Variants in OPCML observed in about 807,000 individuals in gnomAD.
OPCML encodes the protein opioid binding protein/cell adhesion molecule like, also known as opioid-binding protein/cell adhesion molecule.
OPCML carries 13 observed loss-of-function variants against 37.8 expected under a neutral mutation model. The ratio of observed to expected loss-of-function variants is 0.34; its 90% CI spans 0.22 to 0.55. The LOEUF is 0.55. Among genes scored for constraint, OPCML ranks in the 20% least tolerant of loss-of-function variants. The pLI is 0.91. For missense variants in OPCML, 341 were observed against 435.6 expected (o/e 0.78, Z 1.93); for synonymous variants, 176 against 168.8 (o/e 1.04, Z -0.33).
intron 1 of OPCML, among the ~76,000 whole-genome samples, chr11:133,367,102 C>T (rs1441619610): frequency 6.6e-6 from 1 of 152,146 alleles, no homozygotes; most frequent in Admixed American, 6.5e-5. Flanking sequence ...CCTAAGCTTC[C>T]CAAGTAGCTA....
At chr11:132,866,598 A>T (rs1029103139) in intron 2 of OPCML, among the ~76,000 whole-genome samples, 1 of 152,228 alleles carries the variant, frequency 6.6e-6, no homozygotes, top group South Asian at 2.1e-4. Context: ...TTTTGGATGC[A>T]TTATACATTT....
intron 2 of OPCML, among the ~76,000 whole-genome samples, chr11:132,744,661 C>T (rs904354914): frequency 8.5e-5 from 13 of 152,216 alleles, no homozygotes; most frequent in African/African-American, 2.9e-4. Context: ...GCATTAGGCA[C>T]TGCCACGGAG....
intron 1 of OPCML, among the ~76,000 whole-genome samples, chr11:133,017,275 T>G (rs990891647): frequency 1.3e-5 from 2 of 152,192 alleles, no homozygotes; most frequent in Non-Finnish European, 2.9e-5. Context: ...TCATCACACC[T>G]GGACTAGGGG....
chr11:132,565,989 C>T (rs1411732914), intron 3 of OPCML, among the ~76,000 whole-genome samples: 1 of 152,134 alleles, frequency 6.6e-6, no homozygotes, highest in Non-Finnish European at 1.5e-5. Context: ...GTAGAGATTG[C>T]ACAACTGCAC....
intron 1 of OPCML, among the ~76,000 whole-genome samples, chr11:132,951,961 C>T (rs1307239861): frequency 1.3e-5 from 2 of 152,194 alleles, no homozygotes; most frequent in Admixed American, 6.5e-5. Context: ...GAAATATCTG[C>T]ATTTATCTAA....
At chr11:133,341,817 C>T (rs796765143) in intron 1 of OPCML, among the ~76,000 whole-genome samples, 1 of 152,032 alleles carries the variant, frequency 6.6e-6, no homozygotes, top group East Asian at 1.9e-4. Flanking sequence ...ACTCGGGAGG[C>T]TGAGGCAGGA....
intron 1 of OPCML, among the ~76,000 whole-genome samples, chr11:133,076,558 G>A (rs531684016): frequency 2.0e-5 from 3 of 152,090 alleles, no homozygotes; most frequent in East Asian, 1.9e-4. Context: ...AAACGCAAGC[G>A]GCGGTCCAGA....
intron 1 of OPCML, among the ~76,000 whole-genome samples, chr11:133,160,159 TAGACAC>T: frequency 6.6e-6 from 1 of 152,240 alleles, no homozygotes; most frequent in Non-Finnish European, 1.5e-5. Flanking sequence ...GTGCAATGTG[TAGACAC>T]AAATAATATC....
At chr11:133,007,406 A>C in intron 1 of OPCML, 1 of 985,438 alleles carries the variant, frequency 1.0e-6, no homozygotes. Flanking sequence ...CGCCCCATTA[A>C]AGAGTCAAAG....
intron 2 of OPCML, among the ~76,000 whole-genome samples, chr11:132,737,640 C>T (rs188604341): frequency 8.6e-4 from 131 of 152,190 alleles, no homozygotes; most frequent in Middle Eastern, 3.4e-3. Flanking sequence ...TTTACTTTTT[C>T]TCCAATTAAA....
intron 1 of OPCML, among the ~76,000 whole-genome samples, chr11:133,257,084 T>C (rs1046497447): frequency 6.6e-6 from 1 of 152,244 alleles, no homozygotes; most frequent in Admixed American, 6.5e-5. Flanking sequence ...AATTCCTAAA[T>C]ATTTAGCAAT....
chr11:133,303,649 A>T (rs1942839155), intron 1 of OPCML, among the ~76,000 whole-genome samples: 1 of 152,204 alleles, frequency 6.6e-6, no homozygotes, highest in Non-Finnish European at 1.5e-5. Flanking sequence ...ATGTGTTCTA[A>T]GATTGACCTT....
intron 1 of OPCML, among the ~76,000 whole-genome samples, chr11:133,149,961 A>C (rs1443184478): frequency 1.3e-5 from 2 of 152,168 alleles, no homozygotes; most frequent in African/African-American, 4.8e-5. Flanking sequence ...GGGGAGGGGA[A>C]GCGTCTGGTG....
At chr11:133,009,621 A>G (rs1947178117) in intron 1 of OPCML, among the ~76,000 whole-genome samples, 2 of 152,320 alleles carry the variant, frequency 1.3e-5, no homozygotes, top group South Asian at 2.1e-4. Flanking sequence ...CAGTTTTCCT[A>G]TGAATGGGGT....
chr11:132,458,582 G>A (rs1305826542), intron 4 of OPCML, among the ~76,000 whole-genome samples: 2 of 152,142 alleles, frequency 1.3e-5, no homozygotes, highest in Admixed American at 6.5e-5. Flanking sequence ...AACTTGCTTT[G>A]TAGTATTATG....
intron 4 of OPCML, among the ~76,000 whole-genome samples, chr11:132,438,113 T>C (rs1025337100): frequency 6.6e-6 from 1 of 152,234 alleles, no homozygotes; most frequent in African/African-American, 2.4e-5. Flanking sequence ...TCATTTATAA[T>C]TCAAAATATT....
chr11:132,435,149 C>T lies in OPCML; in HGVS notation c.916+937G>A, dbSNP rs113899050. 1.4e-3 allele frequency: 1,837 copies of T among 1,275,470 alleles called. 19 individuals carry two copies. The African/African-American group carries it at 0.025, about 17-fold the overall frequency. The allele number at this position is 1,275,470 out of a possible 1,614,324, so 79.0% of individuals were successfully genotyped here. ...GCAGGCAGAGGTAGGAAGGAACATG[C>T]TGTACCCACCTGCCACTGCTGATGA... On this transcript the variant is annotated intron_variant, in intron 7 of 7. Transcript: ENST00000524381.
At chr11:132,877,884 T>C (rs1036482534) in intron 2 of OPCML, among the ~76,000 whole-genome samples, 5 of 152,356 alleles carry the variant, frequency 3.3e-5, no homozygotes, top group Non-Finnish European at 7.3e-5. Context: ...TAGAAGCTTG[T>C]TTCTAATTGT....
chr11:132,476,698 A>C (rs2096157286), intron 4 of OPCML, among the ~76,000 whole-genome samples: 1 of 151,972 alleles, frequency 6.6e-6, no homozygotes, highest in Admixed American at 6.6e-5. Flanking sequence ...TTTGGGGTGG[A>C]GGGAGCAGGG....
Sources: allele counts gnomAD v4.1 joint callset (sites outside exome capture counted in the v4.1 genomes callset), GRCh38; gene constraint gnomAD v4.1.1; transcripts MANE v1.5; gene names NCBI Gene and HGNC (gene_info 2026-07-23, HGNC 2026-07-21).